TENM2: variants seen among roughly 807,000 people sequenced by gnomAD.
TENM2 encodes the protein teneurin transmembrane protein 2.
A neutral mutation model predicts 245.2 loss-of-function variants in TENM2; 52 were observed. The observed-to-expected ratio is 0.21, with a 90% CI of 0.17 to 0.27. The LOEUF (loss-of-function observed/expected upper bound fraction) is 0.27, where lower values mean the gene tolerates loss of function less well. TENM2 is among the 10% of genes least tolerant of loss of function. The pLI, the probability that TENM2 is intolerant of heterozygous loss-of-function variation, is 1.00. For synonymous variants in TENM2, 1,363 were observed against 1,438.9 expected, an observed-to-expected ratio of 0.95 and a Z score of 1.19; for missense variants, 3,046 against 3,666.8, an observed-to-expected ratio of 0.83 and a Z score of 4.37.
At chr5:167,203,949 G>C in the TENM2 span, among the ~76,000 whole-genome samples, 1 of 152,028 alleles carries the variant, frequency 6.6e-6, no homozygotes, top group Non-Finnish European at 1.5e-5. Context: ...CAAGAGGAGA[G>C]AGAAAATTTG....
intron 2 of TENM2, among the ~76,000 whole-genome samples, chr5:167,409,145 G>A (rs1762779782): frequency 6.6e-6 from 1 of 151,866 alleles, no homozygotes; most frequent in Admixed American, 6.6e-5. Flanking sequence ...TACCTGTCTA[G>A]AAACTGAGCA....
At chr5:167,884,139 G>A (rs1001456381) in intron 3 of TENM2, among the ~76,000 whole-genome samples, 3 of 152,160 alleles carry the variant, frequency 2.0e-5, no homozygotes, top group African/African-American at 7.2e-5. Flanking sequence ...ACATTTAAAT[G>A]ACATTCCGAT....
chr5:168,128,122 G>A (rs954369831), intron 12 of TENM2, among the ~76,000 whole-genome samples: 4 of 152,238 alleles, frequency 2.6e-5, no homozygotes, highest in Admixed American at 1.3e-4. Context: ...TTGGGCATCC[G>A]AGGGGCAGCA....
intron 2 of TENM2, among the ~76,000 whole-genome samples, chr5:167,694,142 T>G (rs1213151210): frequency 1.3e-5 from 2 of 152,164 alleles, no homozygotes; most frequent in African/African-American, 4.8e-5. Flanking sequence ...CTCTATTCAC[T>G]CTACCTCCTC....
intron 2 of TENM2, among the ~76,000 whole-genome samples, chr5:167,682,146 G>GTTCC (rs113715821): frequency 1.2e-4 from 12 of 103,690 alleles, no homozygotes; most frequent in Middle Eastern, 5.8e-3. Flanking sequence ...GCCTGCCTGC[G>GTTCC]TTCCTTCCTT....
At chr5:167,556,659 G>A (rs1029414338) in intron 2 of TENM2, among the ~76,000 whole-genome samples, 1 of 152,078 alleles carries the variant, frequency 6.6e-6, no homozygotes. Flanking sequence ...ACCATAGTAG[G>A]TCAGTGGACT....
intron 5 of TENM2, among the ~76,000 whole-genome samples, chr5:168,030,515 G>A (rs1425959735): frequency 1.3e-5 from 2 of 152,104 alleles, no homozygotes; most frequent in South Asian, 2.1e-4. Flanking sequence ...CTGGAGTATG[G>A]CCCAGTAATT....
chr5:167,067,263 T>C, the TENM2 span, among the ~76,000 whole-genome samples: 1 of 152,204 alleles, frequency 6.6e-6, no homozygotes, highest in Non-Finnish European at 1.5e-5. Flanking sequence ...TGAATTGATA[T>C]TACATGGAAT....
chr5:167,791,635 C>G (rs1432117444), intron 2 of TENM2, among the ~76,000 whole-genome samples: 1 of 150,908 alleles, frequency 6.6e-6, no homozygotes, highest in Non-Finnish European at 1.5e-5. Flanking sequence ...GTATGATGAT[C>G]CCAAATTCTT....
chr5:168,231,562 G>A (rs1030548192), intron 25 of TENM2, among the ~76,000 whole-genome samples: 2 of 152,180 alleles, frequency 1.3e-5, no homozygotes, highest in African/African-American at 4.8e-5. Context: ...AGCCCTACCT[G>A]GACTTCATTA....
the TENM2 span, among the ~76,000 whole-genome samples, chr5:167,238,252 A>G: frequency 6.6e-6 from 1 of 152,094 alleles, no homozygotes; most frequent in African/African-American, 2.4e-5. Flanking sequence ...ACATTAAATG[A>G]TAAACATTAG....
chr5:167,691,284 T>G (rs1209234377), intron 2 of TENM2, among the ~76,000 whole-genome samples: 1 of 152,148 alleles, frequency 6.6e-6, no homozygotes, highest in Non-Finnish European at 1.5e-5. Context: ...ATTGCAAAAT[T>G]TGTAAGGACC....
At chr5:167,676,554 G>A (rs1756342875) in intron 2 of TENM2, among the ~76,000 whole-genome samples, 1 of 152,086 alleles carries the variant, frequency 6.6e-6, no homozygotes, top group Non-Finnish European at 1.5e-5. Flanking sequence ...GTCACACATA[G>A]AATATATACA....
At chr5:167,843,901 T>C (rs1769787355) in intron 2 of TENM2, among the ~76,000 whole-genome samples, 1 of 152,154 alleles carries the variant, frequency 6.6e-6, no homozygotes, top group African/African-American at 2.4e-5. Context: ...CTCTGATGAT[T>C]TGGGGTATAT....
At chr5:167,777,710 A>G (rs1582985310) in intron 2 of TENM2, among the ~76,000 whole-genome samples, 1 of 152,234 alleles carries the variant, frequency 6.6e-6, no homozygotes, top group East Asian at 1.9e-4. Flanking sequence ...AGAGCATGTG[A>G]TATGTTAAGT....
At chr5:168,261,812 A>G (rs1285359231) in intron 28 of TENM2, among the ~76,000 whole-genome samples, 1 of 152,212 alleles carries the variant, frequency 6.6e-6, no homozygotes, top group East Asian at 1.9e-4. Flanking sequence ...TGGCAATTGC[A>G]AGATGGACAG....
At chr5:167,091,899 G>A in the TENM2 span, among the ~76,000 whole-genome samples, 3 of 152,136 alleles carry the variant, frequency 2.0e-5, 1 homozygote, top group East Asian at 3.8e-4. Flanking sequence ...GGCACTTGAC[G>A]TGGCATTTAT....
At chr5:168,195,405 T>G in intron 15 of TENM2, 110 bp downstream of exon 17, 1 of 1,307,632 alleles carries the variant, frequency 7.6e-7, no homozygotes, top group Non-Finnish European at 1.1e-6. Context: ...GACTGGAATG[T>G]CCACCAGGCC....
chr5:168,051,867 T>A (rs1055210867), intron 6 of TENM2, among the ~76,000 whole-genome samples: 3 of 152,198 alleles, frequency 2.0e-5, no homozygotes, highest in African/African-American at 7.2e-5. Flanking sequence ...GATCCACGAG[T>A]CTTAGTTGTT....
Sources: allele counts gnomAD v4.1 joint callset (sites outside exome capture counted in the v4.1 genomes callset), GRCh38; gene constraint gnomAD v4.1.1; transcripts MANE v1.5; gene names NCBI Gene and HGNC (gene_info 2026-07-23, HGNC 2026-07-21).